Variants in PSEN1 observed in about 807,000 individuals in gnomAD.
PSEN1 encodes the protein presenilin-1.
Under a neutral mutation model 53.5 loss-of-function variants are expected in PSEN1, and 15 were observed. The ratio of observed to expected loss-of-function variants is 0.28; its 90% CI spans 0.19 to 0.43. PSEN1 has a LOEUF of 0.43. Ranked by LOEUF, PSEN1 falls within the 20% of genes least tolerant of loss-of-function variation. The pLI, the probability that PSEN1 is intolerant of heterozygous loss-of-function variation, is 1.00. For missense variants in PSEN1, 387 were observed against 571.2 expected (o/e 0.68, Z 3.29); for synonymous variants, 208 against 209.8 (o/e 0.99, Z 0.08).
At chr14:73,152,463 TG>T (rs1361102530) in intron 3 of PSEN1, among the ~76,000 whole-genome samples, 1 of 145,738 alleles carries the variant, frequency 6.9e-6, no homozygotes, top group Non-Finnish European at 1.5e-5. Flanking sequence ...AAAAAGTCAA[TG>T]GGTGTGGTGG....
At chr14:73,218,986 A>G (rs1302348681) in intron 11 of PSEN1, 148 bp from the exon 12 acceptor site, 12 of 847,482 alleles carry the variant, frequency 1.4e-5, no homozygotes, top group Non-Finnish European at 2.3e-5. Flanking sequence ...CTCTTCTTCC[A>G]GATTGAATGA....
chr14:73,185,422 A>G (rs1469090746), intron 5 of PSEN1, among the ~76,000 whole-genome samples: 4 of 152,212 alleles, frequency 2.6e-5, no homozygotes, highest in African/African-American at 9.6e-5. Flanking sequence ...TGGCCAACAC[A>G]GCGAAACCCC....
chr14:73,156,413 G>C (rs893248390), intron 3 of PSEN1, among the ~76,000 whole-genome samples: 1 of 151,026 alleles, frequency 6.6e-6, no homozygotes, highest in African/African-American at 2.4e-5. Context: ...TGAAAGAAAA[G>C]AGCTATCAAG....
At chr14:73,197,500 T>C (rs1899003662) in intron 7 of PSEN1, among the ~76,000 whole-genome samples, 1 of 152,238 alleles carries the variant, frequency 6.6e-6, no homozygotes, top group Non-Finnish European at 1.5e-5. Context: ...TACTTCTCAG[T>C]AGTACGTAAT....
rs1348832459 is a variant in PSEN1 at position 73,221,634 on chromosome 14, C to G, written c.*2345C>G. On this transcript the variant is annotated 3_prime_UTR_variant, in exon 12 of 12. Coordinates refer to ENST00000324501, the MANE Select transcript of PSEN1 (RefSeq NM_000021.4). ...ACAGGATTTTGCTGTGTTGCCCAGG[C>G]TAGACTTGAACTCCTGGGCTCAAGT... 6.6e-6 allele frequency: 1 copy of G among 151,566 alleles called. No homozygotes were observed. The highest frequency in any genetic ancestry group is 1.5e-5 in the Non-Finnish European group (1 of 67,960). The allele number at this position is 151,566 out of a possible 1,614,324, so 9.4% of individuals were successfully genotyped here.
chr14:73,219,470 T>TA lies in PSEN1; in HGVS notation c.*182dup. The TA allele has an allele frequency of 1.5e-6, 1 of 682,654 alleles. No homozygotes were observed. The highest frequency in any genetic ancestry group is 2.6e-6 in the Non-Finnish European group (1 of 391,240). 42.3% of individuals were successfully genotyped at this position (682,654 alleles called of 1,614,324 possible). On this transcript the variant is annotated 3_prime_UTR_variant, in exon 12 of 12. Coordinates refer to ENST00000324501, the MANE Select transcript of PSEN1 (RefSeq NM_000021.4). ...CTATTGGACTTTGGAAGGAGGTGCC[T>TA]ATAGAAAACGATTTTGAACATACTT...
intron 5 of PSEN1, among the ~76,000 whole-genome samples, chr14:73,174,532 C>T (rs1333450937): frequency 1.3e-5 from 2 of 152,172 alleles, no homozygotes; most frequent in African/African-American, 4.8e-5. Context: ...CTGCGCCCGG[C>T]CCTAAGTGGT....
chr14:73,198,951 T>C (rs761369156), intron 8 of PSEN1, among the ~76,000 whole-genome samples: 8 of 151,998 alleles, frequency 5.3e-5, no homozygotes, highest in Non-Finnish European at 1.2e-4. Context: ...TTTTTTTGTG[T>C]TGTGTGTAGA....
intron 8 of PSEN1, among the ~76,000 whole-genome samples, chr14:73,199,870 G>A (rs1020213149): frequency 5.3e-5 from 8 of 151,764 alleles, no homozygotes; most frequent in South Asian, 4.2e-4. Context: ...CTCAGCCTCC[G>A]GAGTGGCTGG....
At chr14:73,168,009 C>G (rs1371447468) in intron 3 of PSEN1, 1 of 151,730 alleles carries the variant, frequency 6.6e-6, no homozygotes, top group Admixed American at 6.6e-5. Flanking sequence ...TTTTTTTTCC[C>G]ACCCAAATGT....
intron 11 of PSEN1, among the ~76,000 whole-genome samples, chr14:73,218,008 G>GA (rs1899988040): frequency 6.7e-6 from 1 of 150,070 alleles, no homozygotes; most frequent in African/African-American, 2.5e-5. Flanking sequence ...GGCTCCTCTT[G>GA]AACTCCTGAC....
intron 6 of PSEN1, 57 bp downstream of exon 6, chr14:73,186,977 G>A (rs1898542933): frequency 3.0e-6 from 4 of 1,340,994 alleles, no homozygotes; most frequent in Admixed American, 1.7e-5. Flanking sequence ...GTGCTGTGTA[G>A]CTATCATTTA....
intron 1 of PSEN1, chr14:73,137,977 C>G (rs1488974495): frequency 6.6e-6 from 1 of 151,080 alleles, no homozygotes; most frequent in East Asian, 2.0e-4. Flanking sequence ...GAGGCTGAGG[C>G]AGGAGAATCA....
chr14:73,184,423 G>A (rs1331476829), intron 5 of PSEN1, among the ~76,000 whole-genome samples: 1 of 118,896 alleles, frequency 8.4e-6, no homozygotes, highest in East Asian at 4.0e-4. Flanking sequence ...CGACGGGGCG[G>A]CTGGCCTGGC....
At chr14:73,216,708 G>A (rs879303523) in intron 10 of PSEN1, among the ~76,000 whole-genome samples, 5 of 151,332 alleles carry the variant, frequency 3.3e-5, no homozygotes, top group East Asian at 1.9e-4. Flanking sequence ...GCAGTGAGCC[G>A]AGATCATGCT....
chr14:73,148,224 A>C (rs1039486065), intron 3 of PSEN1, 118 bp downstream of exon 3: 1 of 819,150 alleles, frequency 1.2e-6, no homozygotes, highest in African/African-American at 1.7e-5. Context: ...CACATTTATA[A>C]TATATTTGGT....
chr14:73,145,215 G>A (rs1049771718), intron 1 of PSEN1, among the ~76,000 whole-genome samples: 6 of 151,792 alleles, frequency 4.0e-5, no homozygotes, highest in Non-Finnish European at 8.8e-5. Flanking sequence ...ATTTTTGCTT[G>A]CATTACCCTT....
intron 1 of PSEN1, among the ~76,000 whole-genome samples, chr14:73,140,331 CT>C (rs1216675853): frequency 1.3e-5 from 2 of 150,436 alleles, no homozygotes; most frequent in Non-Finnish European, 1.5e-5. Context: ...CTGCCTCAGC[CT>C]CCCGAGTAGC....
rs995537865 is a variant in PSEN1, at chr14:73,223,168, C to G, written c.*3879C>G. 1 of 152,228 alleles carries G rather than the reference C, an allele frequency of 6.6e-6. No individual in the cohort carries two copies. The highest frequency in any genetic ancestry group is 2.4e-5 in the African/African-American group (1 of 41,446). The allele number at this position is 152,228 out of a possible 1,614,324, so 9.4% of individuals were successfully genotyped here. On this transcript the variant is annotated 3_prime_UTR_variant, in exon 12 of 12. Coordinates refer to ENST00000324501, the MANE Select transcript of PSEN1 (RefSeq NM_000021.4). ...TGCATGTGATCATCTGCATAGTCCT[C>G]TCCTCTAACGGGAAACACCTCAGAT...
Sources: allele counts gnomAD v4.1 joint callset (sites outside exome capture counted in the v4.1 genomes callset), GRCh38; gene constraint gnomAD v4.1.1; transcripts MANE v1.5; gene names NCBI Gene and HGNC (gene_info 2026-07-23, HGNC 2026-07-21).